The following GNAQ variants were observed in gnomAD, a reference collection of about 807,000 sequenced individuals.
The protein encoded by GNAQ is G protein subunit alpha q.
A neutral mutation model predicts 43.9 loss-of-function variants in GNAQ; 8 were observed. The ratio of observed to expected loss-of-function variants is 0.18; its 90% confidence interval spans 0.11 to 0.33. The LOEUF (loss-of-function observed/expected upper bound fraction) is 0.33. Among genes scored for constraint, GNAQ ranks in the 10% least tolerant of loss-of-function variants. GNAQ has a pLI of 1.00. For synonymous variants in GNAQ, 155 were observed against 170.7 expected (o/e 0.91, Z 0.71); for missense variants, 158 against 450.8 (o/e 0.35, Z 5.88).
intron 2 of GNAQ, among the ~76,000 whole-genome samples, chr9:77,855,761 C>A (rs1408467717): frequency 8.6e-5 from 13 of 151,178 alleles, no homozygotes; most frequent in African/African-American, 3.1e-4. Flanking sequence ...AAAATGAACT[C>A]TCAAAAAAAA....
intron 2 of GNAQ, among the ~76,000 whole-genome samples, chr9:77,845,444 T>C (rs1419590392): frequency 1.3e-5 from 2 of 152,224 alleles, no homozygotes; most frequent in East Asian, 1.9e-4. Context: ...GTTACATTGG[T>C]AAATATCTGC....
At chr9:77,758,476 A>G (rs1477781062) in intron 5 of GNAQ, among the ~76,000 whole-genome samples, 2 of 152,218 alleles carry the variant, frequency 1.3e-5, no homozygotes, top group African/African-American at 4.8e-5. Flanking sequence ...AGTGGTTACT[A>G]ATTTCTAAAC....
intron 5 of GNAQ, among the ~76,000 whole-genome samples, chr9:77,742,647 C>T (rs1302541566): frequency 6.6e-6 from 1 of 151,790 alleles, no homozygotes; most frequent in East Asian, 1.9e-4. Flanking sequence ...TAAAAGATCT[C>T]TTCCAGTAGC....
intron 2 of GNAQ, among the ~76,000 whole-genome samples, chr9:77,834,499 ATTCT>A (rs945282818): frequency 1.3e-4 from 13 of 99,446 alleles, no homozygotes; most frequent in Admixed American, 4.3e-4. Context: ...CAAATACACT[ATTCT>A]TTCTTTTTTT....
At chr9:77,843,661 A>G (rs997877969) in intron 2 of GNAQ, among the ~76,000 whole-genome samples, 1 of 152,194 alleles carries the variant, frequency 6.6e-6, no homozygotes, top group African/African-American at 2.4e-5. Context: ...TTTATTCTGA[A>G]ATTGGCTTTC....
At chr9:77,874,520 GA>G (rs1438127064) in intron 2 of GNAQ, among the ~76,000 whole-genome samples, 6 of 152,154 alleles carry the variant, frequency 3.9e-5, no homozygotes, top group Non-Finnish European at 7.3e-5. Context: ...TCTAGAGAGA[GA>G]ATTTGGGGCA....
intron 5 of GNAQ, among the ~76,000 whole-genome samples, chr9:77,779,128 G>C (rs1011345223): frequency 2.0e-5 from 3 of 151,760 alleles, no homozygotes; most frequent in Non-Finnish European, 4.4e-5. Flanking sequence ...TTCTTCTCAA[G>C]CTCACACATA....
chr9:77,913,013 A>G (rs1270333263), intron 2 of GNAQ, among the ~76,000 whole-genome samples: 1 of 152,196 alleles, frequency 6.6e-6, no homozygotes, highest in African/African-American at 2.4e-5. Context: ...GAGAATAACT[A>G]AAACAAAAAG....
At position 77,922,151 on chromosome 9, in the gene GNAQ, T is replaced by C. The variant is rs775131823; in HGVS notation, c.321+10A>G. ...TTCAGCTGACTGCTCCAATGAAGAG[T>C]CGCACCTACCTTATTGTGCTCATAC... On this transcript the variant is annotated intron_variant, in intron 2 of 6. Coordinates refer to ENST00000286548, the MANE Select transcript of GNAQ (RefSeq NM_002072.5). 3.1e-6 allele frequency: 5 copies of C among 1,591,048 alleles called. No individual in the cohort carries two copies. Among genetic ancestry groups the C allele is most frequent in the Non-Finnish European group, 4.3e-6 (5 of 1,160,724 alleles).
intron 2 of GNAQ, among the ~76,000 whole-genome samples, chr9:77,827,409 A>C (rs1397056487): frequency 2.0e-5 from 3 of 151,312 alleles, no homozygotes; most frequent in Non-Finnish European, 4.4e-5. Flanking sequence ...AAACTGAGCA[A>C]CTTGCATTGC....
intron 1 of GNAQ, among the ~76,000 whole-genome samples, chr9:78,009,705 C>G (rs1235929679): frequency 6.6e-6 from 1 of 151,848 alleles, no homozygotes; most frequent in Non-Finnish European, 1.5e-5. Context: ...AGAGAATGAA[C>G]AGGGTAGAAT....
intron 2 of GNAQ, among the ~76,000 whole-genome samples, chr9:77,858,682 T>C (rs892245022): frequency 6.6e-6 from 1 of 151,830 alleles, no homozygotes; most frequent in Non-Finnish European, 1.5e-5. Flanking sequence ...GCTTCCTTTC[T>C]CTGCTTGGCT....
intron 1 of GNAQ, among the ~76,000 whole-genome samples, chr9:77,946,121 T>C (rs928067452): frequency 1.3e-5 from 2 of 152,134 alleles, no homozygotes; most frequent in African/African-American, 4.8e-5. Flanking sequence ...GGTGAAGTGG[T>C]AACATCACTA....
intron 2 of GNAQ, among the ~76,000 whole-genome samples, chr9:77,827,875 G>C (rs1024378808): frequency 6.6e-6 from 1 of 151,234 alleles, no homozygotes; most frequent in Admixed American, 6.6e-5. Flanking sequence ...GCAGGAGAAA[G>C]AAAACAAACC....
intron 2 of GNAQ, among the ~76,000 whole-genome samples, chr9:77,846,660 G>T (rs1398305243): frequency 6.6e-6 from 1 of 152,132 alleles, no homozygotes; most frequent in Non-Finnish European, 1.5e-5. Context: ...AGAAAATGCA[G>T]CAGAGAGTGA....
At chr9:77,796,003 A>G (rs930448802) in intron 4 of GNAQ, among the ~76,000 whole-genome samples, 3 of 152,220 alleles carry the variant, frequency 2.0e-5, no homozygotes, top group Non-Finnish European at 4.4e-5. Flanking sequence ...ATGTTTTCTA[A>G]AAATATTTTG....
intron 5 of GNAQ, among the ~76,000 whole-genome samples, chr9:77,744,330 C>T (rs1240570612): frequency 6.6e-6 from 1 of 152,224 alleles, no homozygotes; most frequent in Non-Finnish European, 1.5e-5. Context: ...TATTTGACTG[C>T]ATGCCTTCAT....
intron 1 of GNAQ, among the ~76,000 whole-genome samples, chr9:77,925,253 A>G (rs968086408): frequency 6.6e-6 from 1 of 152,156 alleles, no homozygotes; most frequent in Non-Finnish European, 1.5e-5. Context: ...AATGAAGGAC[A>G]AGGAATACAA....
intron 2 of GNAQ, among the ~76,000 whole-genome samples, chr9:77,880,783 G>A (rs553495531): frequency 2.2e-4 from 33 of 152,214 alleles, no homozygotes; most frequent in Admixed American, 1.8e-3. Flanking sequence ...TACGCATTAT[G>A]CCTGGAGTGT....
Sources: allele counts gnomAD v4.1 joint callset (sites outside exome capture counted in the v4.1 genomes callset), GRCh38; gene constraint gnomAD v4.1.1; transcripts MANE v1.5; gene names NCBI Gene and HGNC (gene_info 2026-07-23, HGNC 2026-07-21).